Variants in LARGE1 observed in about 807,000 individuals in gnomAD.
LARGE1 encodes the protein xylosyl- and glucuronyltransferase LARGE1.
A neutral mutation model predicts 87.6 loss-of-function variants in LARGE1; 43 were observed. The ratio of observed to expected loss-of-function variants is 0.49; its 90% CI spans 0.38 to 0.63. The LOEUF (loss-of-function observed/expected upper bound fraction) is 0.63. Ranked by LOEUF, LARGE1 falls within the 30% of genes least tolerant of loss-of-function variation. The pLI, the probability that LARGE1 is intolerant of heterozygous loss-of-function variation, is 0.00. For missense variants in LARGE1, 802 were observed against 1,000.2 expected (o/e 0.80, Z 2.67); for synonymous variants, 434 against 394.6 (o/e 1.10, Z -1.18).
intron 2 of LARGE1, among the ~76,000 whole-genome samples, chr22:33,706,651 A>C (rs987178636): frequency 1.3e-5 from 2 of 152,230 alleles, no homozygotes; most frequent in African/African-American, 4.8e-5. Flanking sequence ...GCTTTAAAGA[A>C]AGGAAATGAT....
chr22:33,181,917 G>A (rs543775340), intron 11 of LARGE1, among the ~76,000 whole-genome samples: 13 of 145,956 alleles, frequency 8.9e-5, no homozygotes, highest in East Asian at 2.1e-4. Context: ...TCAGCCTCCC[G>A]GTTCAAGAGA....
chr22:33,466,602 C>G (rs774300720), intron 6 of LARGE1, among the ~76,000 whole-genome samples: 1 of 151,790 alleles, frequency 6.6e-6, no homozygotes, highest in Non-Finnish European at 1.5e-5. Context: ...CTACATAAAT[C>G]AAACACCCAC....
chr22:33,306,186 C>A (rs1934892155), intron 11 of LARGE1, among the ~76,000 whole-genome samples: 1 of 152,146 alleles, frequency 6.6e-6, no homozygotes, highest in Non-Finnish European at 1.5e-5. Flanking sequence ...CTCCATGACG[C>A]CTAATTGCAC....
intron 11 of LARGE1, among the ~76,000 whole-genome samples, chr22:33,307,835 C>A (rs1236531553): frequency 6.6e-6 from 1 of 151,448 alleles, no homozygotes; most frequent in African/African-American, 2.4e-5. Context: ...GTGGTGCGAT[C>A]TCGGCTCACT....
chr22:33,134,026 A>G, the LARGE1 span, among the ~76,000 whole-genome samples: 1 of 152,220 alleles, frequency 6.6e-6, no homozygotes, highest in Non-Finnish European at 1.5e-5. Flanking sequence ...TTGCAGTACA[A>G]TGAAAATCAA....
chr22:33,774,630 T>A (rs1408720524), intron 1 of LARGE1, among the ~76,000 whole-genome samples: 1 of 152,234 alleles, frequency 6.6e-6, no homozygotes, highest in African/African-American at 2.4e-5. Flanking sequence ...AGTGCTGGGA[T>A]TACAGGTGTC....
intron 9 of LARGE1, among the ~76,000 whole-genome samples, chr22:33,342,193 T>C (rs1352855481): frequency 1.3e-5 from 2 of 152,184 alleles, no homozygotes; most frequent in Admixed American, 6.5e-5. Flanking sequence ...GGGGATCGTG[T>C]CGTCTTTGCG....
intron 2 of LARGE1, among the ~76,000 whole-genome samples, chr22:33,715,276 A>G (rs2082875723): frequency 1.3e-5 from 2 of 152,032 alleles, no homozygotes; most frequent in African/African-American, 4.8e-5. Flanking sequence ...TCTTAACATC[A>G]CTCATGAATC....
chr22:33,729,993 T>C (rs886936546), intron 2 of LARGE1, among the ~76,000 whole-genome samples: 4 of 151,984 alleles, frequency 2.6e-5, no homozygotes, highest in Admixed American at 1.3e-4. Context: ...TGCGTGTGTG[T>C]GTGCGTGCAT....
chr22:33,466,618 CA>C (rs1479929983), intron 6 of LARGE1, among the ~76,000 whole-genome samples: 1 of 151,784 alleles, frequency 6.6e-6, no homozygotes, highest in African/African-American at 2.4e-5. Context: ...CCCACTATCC[CA>C]AGGAAAGAAC....
intron 6 of LARGE1, among the ~76,000 whole-genome samples, chr22:33,514,282 CCACA>C (rs60301225): frequency 1.1e-4 from 16 of 147,952 alleles, no homozygotes; most frequent in African/African-American, 2.7e-4. Flanking sequence ...CTATGTGTGT[CCACA>C]CACACACACA....
At chr22:33,202,107 A>G (rs1413027376) in intron 11 of LARGE1, among the ~76,000 whole-genome samples, 1 of 147,906 alleles carries the variant, frequency 6.8e-6, no homozygotes, top group South Asian at 2.1e-4. Context: ...CGGCATGATA[A>G]AAAAAAAAAA....
In LARGE1 at chr22:33,582,686, T is replaced by C. The variant is rs1010251865; in HGVS notation, c.616-17667A>G. ...AGGTACGCCTCATCCAAAACCCAAC[T>C]TCACACTGAACCAAGGGCTCCAAGC... On this transcript the variant is annotated intron_variant, in intron 5 of 14. Coordinates refer to ENST00000397394, the MANE Select transcript of LARGE1 (RefSeq NM_133642.5). Among the ~76,000 whole-genome samples the C allele has an allele frequency of 7.9e-5, 12 of 152,282 alleles. No homozygotes were observed. The South Asian group carries it at 1.7e-3, about 21-fold the overall frequency.
At chr22:33,797,037 C>G (rs1601638247) in intron 1 of LARGE1, among the ~76,000 whole-genome samples, 1 of 152,018 alleles carries the variant, frequency 6.6e-6, no homozygotes, top group African/African-American at 2.4e-5. Context: ...GTGCTAGGAT[C>G]ACAGGCGTGA....
At chr22:33,627,955 T>C (rs997666234) in intron 3 of LARGE1, among the ~76,000 whole-genome samples, 1 of 152,174 alleles carries the variant, frequency 6.6e-6, no homozygotes. Context: ...TTAGGCTCCA[T>C]GCTGGCCCCC....
At chr22:33,160,202 A>G (rs1431111410), downstream of LARGE1, among the ~76,000 whole-genome samples, 1 of 152,206 alleles carries the variant, frequency 6.6e-6, no homozygotes, top group African/African-American at 2.4e-5. Context: ...TGAGCAAATC[A>G]ATTGATATCT....
intron 11 of LARGE1, among the ~76,000 whole-genome samples, chr22:33,167,704 A>G (rs922779553): frequency 1.3e-5 from 2 of 152,220 alleles, no homozygotes; most frequent in Admixed American, 1.3e-4. Context: ...GTTCTTAACC[A>G]TAGTGTTTTT....
At chr22:33,455,765 A>G (rs1316160239) in intron 6 of LARGE1, among the ~76,000 whole-genome samples, 1 of 151,550 alleles carries the variant, frequency 6.6e-6, no homozygotes, top group Non-Finnish European at 1.5e-5. Flanking sequence ...GCCAAAAAAA[A>G]AAAAAAAAAA....
intron 4 of LARGE1, among the ~76,000 whole-genome samples, chr22:33,614,091 T>A (rs1292093844): frequency 6.6e-6 from 1 of 152,152 alleles, no homozygotes; most frequent in Non-Finnish European, 1.5e-5. Context: ...GTTTTTTTTT[T>A]CTTAACGTGG....
Sources: gnomAD v4.1 joint callset for allele counts (sites outside exome capture counted in the v4.1 genomes callset) on GRCh38, gnomAD v4.1.1 for gene constraint, MANE v1.5 for transcripts, NCBI Gene and HGNC (gene_info 2026-07-23, HGNC 2026-07-21) for gene names.